KIF6: variants seen among roughly 807,000 people sequenced by gnomAD.
KIF6 encodes the protein kinesin-like protein KIF6.
In KIF6, 106 loss-of-function variants were observed where a neutral mutation model predicts 112.7. The observed-to-expected ratio is 0.94, with a 90% CI of 0.80 to 1.11. The LOEUF is 1.11. KIF6 is among the 50% of genes least tolerant of loss of function. The pLI is 0.00. For synonymous variants in KIF6, 339 were observed against 339.9 expected, an observed-to-expected ratio of 1.00 and a Z score of 0.03; for missense variants, 929 against 964.0, an observed-to-expected ratio of 0.96 and a Z score of 0.48.
chr6:39,643,498 G>A (rs1011173288), intron 3 of KIF6, among the ~76,000 whole-genome samples: 1 of 152,116 alleles, frequency 6.6e-6, no homozygotes, highest in Admixed American at 6.6e-5. Context: ...ATAAAATTAA[G>A]AATCCAGAAA....
chr6:39,647,950 A>G (rs1046602314), intron 3 of KIF6, among the ~76,000 whole-genome samples: 1 of 151,422 alleles, frequency 6.6e-6, no homozygotes, highest in Non-Finnish European at 1.5e-5. Flanking sequence ...AACTCAGGTG[A>G]TCCACCCACC....
At chr6:39,413,606 G>A (rs540878896) in intron 15 of KIF6, among the ~76,000 whole-genome samples, 24 of 152,200 alleles carry the variant, frequency 1.6e-4, no homozygotes, top group African/African-American at 3.9e-4. Flanking sequence ...CCCTTTCAAC[G>A]AAGGTACGAA....
At chr6:39,681,381 G>A (rs536000647) in intron 3 of KIF6, among the ~76,000 whole-genome samples, 1 of 151,850 alleles carries the variant, frequency 6.6e-6, no homozygotes, top group Non-Finnish European at 1.5e-5. Flanking sequence ...TCTGGCCCTT[G>A]TTCATGTATA....
At chr6:39,368,852 G>A (rs188792622) in intron 16 of KIF6, among the ~76,000 whole-genome samples, 10 of 152,328 alleles carry the variant, frequency 6.6e-5, no homozygotes, top group Non-Finnish European at 1.2e-4. Context: ...AAAGGCTGTG[G>A]GGCCCACATG....
In KIF6 at chr6:39,611,992, A is replaced by G. The variant is rs55825035; in HGVS notation, c.639+1197T>C. ...AAAGTAAAAATTTAAGCGACCTTAA[A>G]TCCATATATATGGCACATAAACTCA... On this transcript the variant is annotated intron_variant, in intron 6 of 22. Coordinates refer to ENST00000287152, the MANE Select transcript of KIF6 (RefSeq NM_145027.6). Among the ~76,000 whole-genome samples the G allele has an allele frequency of 8.8e-4, 134 of 152,308 alleles. 1 individual carries two copies. The highest frequency in any genetic ancestry group is 6.8e-3 in the Middle Eastern group (2 of 294).
At chr6:39,352,927 G>A (rs981437238) in intron 19 of KIF6, among the ~76,000 whole-genome samples, 13 of 152,042 alleles carry the variant, frequency 8.6e-5, no homozygotes, top group Non-Finnish European at 4.4e-5. Flanking sequence ...AATATTCCAC[G>A]GTTTGTTTAT....
chr6:39,383,100 C>T (rs1010998400), intron 16 of KIF6, among the ~76,000 whole-genome samples: 4 of 151,928 alleles, frequency 2.6e-5, no homozygotes, highest in Admixed American at 6.6e-5. Context: ...AATATTTTCT[C>T]CCATTCTGTA....
In KIF6 at chr6:39,565,109, C is replaced by T. The variant is rs531707143; in HGVS notation, c.1181+12947G>A. ...AGATTTGGTGGCAGTTCTGAGAGAG[C>T]GTAGGCTTGCTTTGACATTGCATAT... On this transcript the variant is annotated intron_variant, in intron 10 of 22. Coordinates refer to ENST00000287152, the MANE Select transcript of KIF6 (RefSeq NM_145027.6). Among the ~76,000 whole-genome samples the T allele has an allele frequency of 4.3e-5, 6 of 138,488 alleles. No individual in the cohort carries two copies. In the South Asian group the frequency reaches 9.6e-4, roughly 22 times the overall value. The allele number at this position is 138,488 out of a possible 152,430, so 90.9% of individuals were successfully genotyped here.
intron 19 of KIF6, among the ~76,000 whole-genome samples, chr6:39,352,004 G>A (rs944808759): frequency 1.3e-5 from 2 of 152,230 alleles, no homozygotes; most frequent in Non-Finnish European, 2.9e-5. Flanking sequence ...CAGGTGCCCA[G>A]GTGAATGCAT....
intron 13 of KIF6, among the ~76,000 whole-genome samples, chr6:39,516,709 C>A (rs1298443008): frequency 6.6e-6 from 1 of 152,120 alleles, no homozygotes. Flanking sequence ...TGGCATCATT[C>A]TTGCTAAGCT....
chr6:39,491,594 A>C (rs1326933045), intron 13 of KIF6, among the ~76,000 whole-genome samples: 1 of 152,212 alleles, frequency 6.6e-6, no homozygotes, highest in Non-Finnish European at 1.5e-5. Context: ...CCATAAACAA[A>C]AATCTGTAAC....
intron 15 of KIF6, among the ~76,000 whole-genome samples, chr6:39,410,308 GA>G (rs1769391564): frequency 6.6e-6 from 1 of 152,218 alleles, no homozygotes; most frequent in Non-Finnish European, 1.5e-5. Flanking sequence ...GCTGCTTTCT[GA>G]AAATGTGAAA....
At chr6:39,429,171 A>G (rs1770963307) in intron 14 of KIF6, among the ~76,000 whole-genome samples, 2 of 152,242 alleles carry the variant, frequency 1.3e-5, no homozygotes, top group South Asian at 4.1e-4. Context: ...ATGATAGTCT[A>G]GGCTGGGCCT....
chr6:39,708,840 T>G lies in KIF6; in HGVS notation c.251+5852A>C, dbSNP rs533507743. ...AAGCTTCAGGTATTCTCTGATAGCC[T>G]ACCACATATTCCAGAGATTGATGCA... On this transcript the variant is annotated intron_variant, in intron 3 of 22. Transcript: ENST00000287152. Among the ~76,000 whole-genome samples the G allele has an allele frequency of 3.3e-5, 5 of 151,758 alleles. No homozygotes were observed. In the South Asian group the frequency reaches 8.3e-4, roughly 25 times the overall value.
At chr6:39,533,106 A>T (rs1411102390) in intron 13 of KIF6, among the ~76,000 whole-genome samples, 1 of 152,238 alleles carries the variant, frequency 6.6e-6, no homozygotes, top group Non-Finnish European at 1.5e-5. Context: ...TGATTTCTGC[A>T]TTTCTGTCTA....
chr6:39,438,103 G>A (rs753221409), intron 13 of KIF6, among the ~76,000 whole-genome samples: 15 of 152,120 alleles, frequency 9.9e-5, no homozygotes, highest in South Asian at 2.1e-4. Context: ...TCAGCCACCC[G>A]AGTAACAGGG....
intron 1 of KIF6, among the ~76,000 whole-genome samples, chr6:39,723,048 G>C (rs1790316829): frequency 6.6e-6 from 1 of 152,192 alleles, no homozygotes; most frequent in Non-Finnish European, 1.5e-5. Context: ...TGACTGCTGA[G>C]CCCATGTAGA....
intron 13 of KIF6, among the ~76,000 whole-genome samples, chr6:39,492,479 C>T (rs13201598): frequency 0.086 from 13,149 of 152,196 alleles, 835 homozygotes; most frequent in South Asian, 0.19. Flanking sequence ...TCACTTCTTA[C>T]GGAACACAAG....
chr6:39,676,451 T>C (rs977918310), intron 3 of KIF6, among the ~76,000 whole-genome samples: 1 of 152,106 alleles, frequency 6.6e-6, no homozygotes, highest in African/African-American at 2.4e-5. Flanking sequence ...CATCAAAGGA[T>C]GTACTTCAGG....
Sources: allele counts gnomAD v4.1 joint callset (sites outside exome capture counted in the v4.1 genomes callset), GRCh38; gene constraint gnomAD v4.1.1; transcripts MANE v1.5; gene names NCBI Gene and HGNC (gene_info 2026-07-23, HGNC 2026-07-21).